Variants in ONECUT1 observed in about 807,000 individuals in gnomAD.
ONECUT1 encodes hepatocyte nuclear factor 6.
A neutral mutation model predicts 25.6 loss-of-function variants in ONECUT1; 12 were observed. The ratio of observed to expected loss-of-function variants is 0.47; its 90% confidence interval spans 0.30 to 0.76. The LOEUF (loss-of-function observed/expected upper bound fraction) is 0.76, where lower values mean the gene tolerates loss of function less well. ONECUT1 is among the 30% of genes least tolerant of loss of function. The pLI is 0.07. For synonymous variants in ONECUT1, 285 were observed against 270.2 expected (o/e 1.05, Z -0.54); for missense variants, 620 against 651.2 (o/e 0.95, Z 0.52).
At chr15:52,774,288 G>GGAAGTTATTTATTTATTTATTTAT (rs1555415866) in intron 1 of ONECUT1, among the ~76,000 whole-genome samples, 2 of 150,004 alleles carry the variant, frequency 1.3e-5, no homozygotes, top group Non-Finnish European at 3.0e-5. Flanking sequence ...AAGAAATGAA[G>GGAAGTTATTTATTTATTTATTTAT]TTATTTATTT....
intron 1 of ONECUT1, among the ~76,000 whole-genome samples, chr15:52,769,234 T>C (rs1339254439): frequency 6.6e-6 from 1 of 152,162 alleles, no homozygotes; most frequent in African/African-American, 2.4e-5. Context: ...ACAGTATAAT[T>C]AGTTAGTTAC....
Position 52,755,631 on chromosome 15 carries a change from A to C in ONECUT1, c.*1924T>G, listed in dbSNP as rs1400044866. ...AAGGTGCTGAGATTTGATGCTAAGG[A>C]GTTATGTTTTGTGTCAAGATGGTTC... On this transcript the variant is annotated 3_prime_UTR_variant, in exon 2 of 2. Coordinates refer to ENST00000305901, the MANE Select transcript of ONECUT1 (RefSeq NM_004498.4). Among the ~76,000 whole-genome samples, 2 of 152,130 alleles carry C rather than the reference A, an allele frequency of 1.3e-5. No individual in the cohort carries two copies. Among genetic ancestry groups the C allele is most frequent in the Admixed American group, 1.3e-4 (2 of 15,284 alleles).
chr15:52,772,117 G>A (rs1412958665), intron 1 of ONECUT1, among the ~76,000 whole-genome samples: 1 of 152,144 alleles, frequency 6.6e-6, no homozygotes, highest in Non-Finnish European at 1.5e-5. Context: ...AGATGTGGCC[G>A]GGTGCGGTGG....
At chr15:52,770,415 G>A (rs1254207086) in intron 1 of ONECUT1, among the ~76,000 whole-genome samples, 1 of 152,202 alleles carries the variant, frequency 6.6e-6, no homozygotes, top group African/African-American at 2.4e-5. Context: ...TTGTTAAGAC[G>A]AAGATTCTGA....
At chr15:52,786,961 C>T (rs563188165) in intron 1 of ONECUT1, 1 of 152,630 alleles carries the variant, frequency 6.6e-6, no homozygotes, top group Non-Finnish European at 1.5e-5. Context: ...GTAAGAGGCC[C>T]TGAAGCCTGG....
chr15:52,783,431 A>T (rs552832000), intron 1 of ONECUT1, among the ~76,000 whole-genome samples: 1 of 152,338 alleles, frequency 6.6e-6, no homozygotes, highest in Admixed American at 6.5e-5. Context: ...TCTTACTATG[A>T]CTTCCCAAAG....
At chr15:52,759,739 A>AC in intron 1 of ONECUT1, among the ~76,000 whole-genome samples, 1 of 151,142 alleles carries the variant, frequency 6.6e-6, no homozygotes, top group African/African-American at 2.4e-5. Context: ...AGCTGGCACT[A>AC]CAGGTGCGTG....
Position 52,757,499 on chromosome 15 carries a change from A to G in ONECUT1, c.*56T>C. 2 of 1,540,120 alleles carry G rather than the reference A, an allele frequency of 1.3e-6. No individual in the cohort carries two copies. The highest frequency in any genetic ancestry group is 1.7e-6 in the Non-Finnish European group (2 of 1,147,150). ...GCTATCTTGAGGTCCTGGTCTTTTA[A>G]AAATTTTTTTTAATTTAAAGCTTTT... is the stretch of plus-strand genomic sequence containing the variant. On this transcript the variant is annotated 3_prime_UTR_variant, in exon 2 of 2. Transcript: ENST00000305901.
intron 1 of ONECUT1, among the ~76,000 whole-genome samples, chr15:52,772,357 G>A (rs2083773467): frequency 6.7e-6 from 1 of 148,306 alleles, no homozygotes; most frequent in African/African-American, 2.5e-5. Flanking sequence ...TCGTGCCACT[G>A]CACTCCAGCC....
chr15:52,765,376 C>A (rs962461223), intron 1 of ONECUT1, among the ~76,000 whole-genome samples: 3 of 152,162 alleles, frequency 2.0e-5, no homozygotes, highest in Non-Finnish European at 4.4e-5. Context: ...ACAGGGTGAG[C>A]CCTCTGCTCT....
rs1261095275 is a variant in ONECUT1 at position 52,755,652 on chromosome 15, G to A, written c.*1903C>T. Among the ~76,000 whole-genome samples the A allele has an allele frequency of 1.3e-5, 2 of 152,014 alleles. No homozygotes were observed. The highest frequency in any genetic ancestry group is 6.6e-5 in the Admixed American group (1 of 15,266). On this transcript the variant is annotated 3_prime_UTR_variant, in exon 2 of 2. Coordinates refer to ENST00000305901, the MANE Select transcript of ONECUT1 (RefSeq NM_004498.4). Reference sequence around the variant, plus strand: ...AAGGAGTTATGTTTTGTGTCAAGATGGTTCAGTTTTGTTCTTTGGCATTTT... The same window carrying A: ...AAGGAGTTATGTTTTGTGTCAAGATAGTTCAGTTTTGTTCTTTGGCATTTT...
intron 1 of ONECUT1, among the ~76,000 whole-genome samples, chr15:52,782,943 T>C (rs1402734617): frequency 6.6e-6 from 1 of 152,212 alleles, no homozygotes; most frequent in Non-Finnish European, 1.5e-5. Flanking sequence ...CCACCTTTAT[T>C]AGACTTGAGG....
rs761700706 is a variant in ONECUT1 at position 52,789,842 on chromosome 15, C to G, written c.43G>C (p.Gly15Arg). 4.5e-6 allele frequency: 7 copies of G among 1,542,530 alleles called. No individual in the cohort carries two copies. The highest frequency in any genetic ancestry group is 2.8e-5 in the African/African-American group (2 of 70,322). ...LTMEAIGELHGVSHEPVPAPA... is the reference protein window; with the variant it reads ...LTMEAIGELHRVSHEPVPAPA... ...GCGGGCACCGGCTCATGGCTCACCC[C>G]GTGCAGCTCGCCGATCGCTTCCATG... The change falls in exon 1 of 2, where the codon GGG becomes CGG. Residue 15 changes from glycine to arginine, a missense_variant. Around this residue, in one of 4 missense-constraint regions of ONECUT1, gnomAD observed 440 missense variants for 404.9 expected, o/e 1.09. Transcript: ENST00000305901. The surrounding 1 kb of genome is among the most constrained non-coding windows in gnomAD (Gnocchi z 4.1).
At chr15:52,783,172 G>A (rs936066154) in intron 1 of ONECUT1, among the ~76,000 whole-genome samples, 5 of 152,308 alleles carry the variant, frequency 3.3e-5, no homozygotes, top group Admixed American at 3.3e-4. Context: ...CAAAGGGACT[G>A]AATTGAACGT....
At chr15:52,787,281 G>A (rs1596058381) in intron 1 of ONECUT1, among the ~76,000 whole-genome samples, 2 of 152,262 alleles carry the variant, frequency 1.3e-5, no homozygotes. Flanking sequence ...ACCTGGCAGG[G>A]CAGAGTCTCA....
intron 1 of ONECUT1, among the ~76,000 whole-genome samples, chr15:52,773,165 C>A (rs968467071): frequency 6.6e-6 from 1 of 151,834 alleles, no homozygotes; most frequent in Non-Finnish European, 1.5e-5. Context: ...ATGGGCAAAG[C>A]AATTTTGAAA....
chr15:52,760,394 C>A (rs1451702853), intron 1 of ONECUT1, among the ~76,000 whole-genome samples: 2 of 152,224 alleles, frequency 1.3e-5, no homozygotes, highest in Non-Finnish European at 2.9e-5. Flanking sequence ...AATACTGATG[C>A]AGATGGCTGA....
In ONECUT1 at chr15:52,789,981, C is replaced by G; in HGVS notation, c.-97G>C. Reference sequence around the variant, plus strand: ...GTCCGGTCTTCACATCGGCTGCTGGCGACTGTTGCCTTCCTTCCTCTCACT... The same window carrying G: ...GTCCGGTCTTCACATCGGCTGCTGGGGACTGTTGCCTTCCTTCCTCTCACT... On this transcript the variant is annotated 5_prime_UTR_variant, in exon 1 of 2. Transcript: ENST00000305901. The surrounding 1 kb of genome is among the most constrained non-coding windows in gnomAD (Gnocchi z 4.1). The G allele has an allele frequency of 7.0e-7, 1 of 1,419,214 alleles. No individual in the cohort carries two copies. Among genetic ancestry groups the G allele is most frequent in the Non-Finnish European group, 9.1e-7 (1 of 1,093,240 alleles). The allele number at this position is 1,419,214 out of a possible 1,614,324, so 87.9% of individuals were successfully genotyped here. A position where few individuals can be genotyped will look rare whatever the true frequency, so the allele number is the denominator to read the frequency against.
intron 1 of ONECUT1, among the ~76,000 whole-genome samples, chr15:52,761,506 A>T (rs2083705861): frequency 6.6e-6 from 1 of 152,158 alleles, no homozygotes; most frequent in Non-Finnish European, 1.5e-5. Flanking sequence ...CCCTGTCTCT[A>T]CTAAACATAC....
Sources: gnomAD v4.1 joint callset for allele counts (sites outside exome capture counted in the v4.1 genomes callset) on GRCh38, gnomAD v4.1.1 for gene constraint, gnomAD v4.1.1 regional missense constraint, Gnocchi (gnomAD v3.1) non-coding constraint, MANE v1.5 for transcripts, NCBI Gene and HGNC (gene_info 2026-07-23, HGNC 2026-07-21) for gene names.